SOX5: variants seen among roughly 807,000 people sequenced by gnomAD.
SOX5 encodes the protein transcription factor SOX-5.
Under a neutral mutation model 92.0 loss-of-function variants are expected in SOX5, and 9 were observed. The observed-to-expected ratio is 0.10, with a 90% CI of 0.06 to 0.17. The LOEUF (loss-of-function observed/expected upper bound fraction) is 0.17, where lower values mean the gene tolerates loss of function less well. Ranked by LOEUF, SOX5 falls within the 10% of genes least tolerant of loss-of-function variation. The probability of loss-of-function intolerance (pLI) is 1.00; values close to 1 mark genes in which losing one functional copy is unlikely to be tolerated. For missense variants in SOX5, 642 were observed against 944.5 expected, an observed-to-expected ratio of 0.68 and a Z score of 4.20; for synonymous variants, 344 against 336.3, an observed-to-expected ratio of 1.02 and a Z score of -0.25.
At chr12:23,911,596 T>C (rs2097352365) in intron 1 of SOX5, among the ~76,000 whole-genome samples, 1 of 152,126 alleles carries the variant, frequency 6.6e-6, no homozygotes, top group African/African-American at 2.4e-5. Flanking sequence ...TTTTTTTAAA[T>C]GATGTATACC....
At chr12:23,961,816 T>TATTC (rs1347923968) in intron 4 of SOX5, among the ~76,000 whole-genome samples, 1 of 152,216 alleles carries the variant, frequency 6.6e-6, no homozygotes, top group African/African-American at 2.4e-5. Flanking sequence ...TGTATCCTGG[T>TATTC]ATTCCTAGGC....
At chr12:23,961,731 T>C (rs1294671757) in intron 4 of SOX5, among the ~76,000 whole-genome samples, 3 of 149,878 alleles carry the variant, frequency 2.0e-5, no homozygotes, top group Non-Finnish European at 4.5e-5. Flanking sequence ...CTCAAGACTA[T>C]TTCACAGCAT....
At chr12:24,269,839 ATTTTTTTTTT>A (rs56939628) in intron 3 of SOX5, among the ~76,000 whole-genome samples, 15 of 62,124 alleles carry the variant, frequency 2.4e-4, no homozygotes, top group African/African-American at 2.8e-4. Context: ...CCACCATGCA[ATTTTTTTTTT>A]TTTTTTTTTT....
intron 1 of SOX5, among the ~76,000 whole-genome samples, chr12:23,937,232 C>T (rs1044426222): frequency 6.6e-6 from 1 of 150,862 alleles, no homozygotes; most frequent in Non-Finnish European, 1.5e-5. Context: ...GTTTTGCCTA[C>T]TCTAATGCTA....
intron 2 of SOX5, among the ~76,000 whole-genome samples, chr12:23,867,479 G>C (rs940548733): frequency 2.6e-5 from 4 of 152,030 alleles, no homozygotes; most frequent in Admixed American, 1.3e-4. Context: ...AGACCTCTAA[G>C]ACCTAATGCC....
At chr12:23,596,695 A>G (rs1021716592) in intron 9 of SOX5, among the ~76,000 whole-genome samples, 2 of 152,168 alleles carry the variant, frequency 1.3e-5, no homozygotes, top group Non-Finnish European at 2.9e-5. Context: ...AAAATTATAA[A>G]TGATTCCCCC....
At chr12:24,368,931 T>C (rs910441528) in intron 1 of SOX5, among the ~76,000 whole-genome samples, 4 of 152,218 alleles carry the variant, frequency 2.6e-5, no homozygotes, top group Non-Finnish European at 5.9e-5. Context: ...GTTTGAGATG[T>C]CCTTTGGAGT....
chr12:24,264,898 C>A (rs2140281010), intron 3 of SOX5, among the ~76,000 whole-genome samples: 1 of 152,236 alleles, frequency 6.6e-6, no homozygotes, highest in Non-Finnish European at 1.5e-5. Context: ...CCAAAAATCT[C>A]AAATCTGGAG....
At chr12:23,977,813 C>T (rs1236231260) in intron 4 of SOX5, among the ~76,000 whole-genome samples, 1 of 152,108 alleles carries the variant, frequency 6.6e-6, no homozygotes, top group Non-Finnish European at 1.5e-5. Context: ...ACCATAACCC[C>T]GTTTTCACCC....
intron 4 of SOX5, among the ~76,000 whole-genome samples, chr12:24,062,921 T>A (rs768887825): frequency 7.9e-5 from 12 of 152,202 alleles, no homozygotes; most frequent in Non-Finnish European, 1.6e-4. Flanking sequence ...CTGGGAACAA[T>A]ATTGTGAGGA....
At chr12:23,846,328 A>G (rs1427639229) in intron 2 of SOX5, 135 bp from the exon 3 acceptor site, 1 of 698,858 alleles carries the variant, frequency 1.4e-6, no homozygotes, top group Non-Finnish European at 2.4e-6. Context: ...AAAATTGGTT[A>G]TATGGCTTAT....
intron 3 of SOX5, among the ~76,000 whole-genome samples, chr12:23,838,849 G>GGGGT (rs2096472507): frequency 9.5e-6 from 1 of 105,686 alleles, no homozygotes; most frequent in Non-Finnish European, 2.0e-5. Flanking sequence ...TTTTTGGGGG[G>GGGGT]GGGGGGCGGG....
chr12:23,910,797 G>T (rs140809748), intron 1 of SOX5, among the ~76,000 whole-genome samples: 1 of 152,104 alleles, frequency 6.6e-6, no homozygotes, highest in Non-Finnish European at 1.5e-5. Context: ...GGGGTAAAAT[G>T]TGATTTCTTC....
chr12:24,310,145 T>C (rs1296346345), intron 2 of SOX5, among the ~76,000 whole-genome samples: 4 of 152,312 alleles, frequency 2.6e-5, no homozygotes, highest in Non-Finnish European at 5.9e-5. Flanking sequence ...GTAAATAGTT[T>C]TAATTTACTA....
intron 2 of SOX5, among the ~76,000 whole-genome samples, chr12:23,878,949 T>A (rs1044989770): frequency 3.9e-5 from 6 of 152,102 alleles, no homozygotes; most frequent in African/African-American, 1.4e-4. Context: ...TAGCTCTGAG[T>A]TAGGGGGTAG....
chr12:24,361,523 A>G (rs1955548904), intron 2 of SOX5, among the ~76,000 whole-genome samples: 1 of 152,216 alleles, frequency 6.6e-6, no homozygotes, highest in Non-Finnish European at 1.5e-5. Context: ...TTCCTGGCAC[A>G]AAGAAAGTCC....
intron 2 of SOX5, among the ~76,000 whole-genome samples, chr12:24,343,233 G>A (rs1185626398): frequency 1.3e-5 from 2 of 152,236 alleles, no homozygotes; most frequent in South Asian, 2.1e-4. Flanking sequence ...AGGTCTGCCT[G>A]TAACAATTCT....
At chr12:23,697,999 T>C (rs1372159632) in intron 6 of SOX5, among the ~76,000 whole-genome samples, 1 of 152,226 alleles carries the variant, frequency 6.6e-6, no homozygotes, top group Non-Finnish European at 1.5e-5. Flanking sequence ...AACATTTTAT[T>C]TCCATTATTG....
At chr12:23,649,350 TA>T (rs960223207) in intron 7 of SOX5, among the ~76,000 whole-genome samples, 1 of 152,052 alleles carries the variant, frequency 6.6e-6, no homozygotes, top group Non-Finnish European at 1.5e-5. Flanking sequence ...TTAACTGTAC[TA>T]AAAAACATTA....
Sources: allele counts gnomAD v4.1 joint callset (sites outside exome capture counted in the v4.1 genomes callset), GRCh38; gene constraint gnomAD v4.1.1; transcripts MANE v1.5; gene names NCBI Gene and HGNC (gene_info 2026-07-23, HGNC 2026-07-21).